Variants in STK32B observed in about 807,000 individuals in gnomAD.
STK32B encodes serine/threonine-protein kinase 32B.
STK32B carries 43 observed loss-of-function variants against 52.6 expected under a neutral mutation model. The ratio of observed to expected loss-of-function variants is 0.82; its 90% confidence interval spans 0.64 to 1.05. STK32B has a LOEUF of 1.05. STK32B is among the 50% of genes least tolerant of loss of function. The pLI is 0.00. For missense variants in STK32B, 621 were observed against 534.6 expected (o/e 1.16, Z -1.59); for synonymous variants, 238 against 204.3 (o/e 1.17, Z -1.41).
intron 3 of STK32B, among the ~76,000 whole-genome samples, chr4:5,230,355 A>G (rs928156492): frequency 6.6e-6 from 1 of 151,524 alleles, no homozygotes; most frequent in Non-Finnish European, 1.5e-5. Context: ...ACGCTTGGTT[A>G]GTTTTTGTAT....
intron 2 of STK32B, among the ~76,000 whole-genome samples, chr4:5,141,071 C>G (rs1401536425): frequency 6.6e-6 from 1 of 152,104 alleles, no homozygotes; most frequent in Admixed American, 6.5e-5. Flanking sequence ...AGCCACTAAC[C>G]ACATGTGGAT....
chr4:5,255,085 G>T (rs1186581158), intron 3 of STK32B, among the ~76,000 whole-genome samples: 3 of 151,998 alleles, frequency 2.0e-5, no homozygotes, highest in African/African-American at 7.3e-5. Flanking sequence ...AGGGCAGACT[G>T]ATATTAATCA....
intron 3 of STK32B, among the ~76,000 whole-genome samples, chr4:5,309,354 A>G (rs953627216): frequency 6.7e-6 from 1 of 149,534 alleles, no homozygotes; most frequent in African/African-American, 2.6e-5. Flanking sequence ...CAAAATACCA[A>G]TGACATTCAT....
At chr4:5,454,923 T>A (rs1161722708) in intron 7 of STK32B, among the ~76,000 whole-genome samples, 1 of 152,156 alleles carries the variant, frequency 6.6e-6, no homozygotes, top group Non-Finnish European at 1.5e-5. Flanking sequence ...TTAAAAAAAA[T>A]TGAAGAAAGA....
intron 4 of STK32B, among the ~76,000 whole-genome samples, chr4:5,342,539 C>T (rs1223795770): frequency 5.3e-5 from 8 of 152,036 alleles, no homozygotes; most frequent in South Asian, 4.1e-4. Context: ...AAGCAGGTCT[C>T]GTGATAATTT....
chr4:5,460,229 G>A lies in STK32B; in HGVS notation c.909+1G>A, dbSNP rs1716929746. On this transcript the variant is annotated splice_donor_variant, in intron 9 of 11. Coordinates refer to ENST00000282908, the MANE Select transcript of STK32B (RefSeq NM_018401.3). LOFTEE classifies it high-confidence loss of function. The surrounding 1 kb of genome is among the most constrained non-coding windows in gnomAD (Gnocchi z 4.8). ...ACTGATGCCCGGCTTTGTGCCCAAT[G>A]TGAGTGGAAGTCCCACCTGATGTCA... The A allele has an allele frequency of 1.2e-6, 2 of 1,609,338 alleles. No individual in the cohort carries two copies. The highest frequency in any genetic ancestry group is 2.2e-5 in the South Asian group (2 of 90,186).
chr4:5,332,298 G>A (rs745465593), intron 4 of STK32B, among the ~76,000 whole-genome samples: 9 of 152,146 alleles, frequency 5.9e-5, no homozygotes, highest in Non-Finnish European at 1.3e-4. Context: ...GAAAGATGTA[G>A]AGTGATCGAT....
intron 1 of STK32B, among the ~76,000 whole-genome samples, chr4:5,072,128 T>C (rs958773809): frequency 1.3e-5 from 2 of 152,180 alleles, no homozygotes; most frequent in African/African-American, 4.8e-5. Flanking sequence ...GGTTTTCAAA[T>C]AGGGTGTTAG....
chr4:5,070,502 T>G (rs897732768), intron 1 of STK32B, among the ~76,000 whole-genome samples: 1 of 152,120 alleles, frequency 6.6e-6, no homozygotes, highest in African/African-American at 2.4e-5. Flanking sequence ...TGCCTAATGC[T>G]TAGGTTGAAT....
At chr4:5,278,193 C>T (rs1261445039) in intron 3 of STK32B, among the ~76,000 whole-genome samples, 1 of 152,110 alleles carries the variant, frequency 6.6e-6, no homozygotes, top group Non-Finnish European at 1.5e-5. Context: ...AGTAAAATTG[C>T]TGAGGAATGG....
At chr4:5,335,162 A>G (rs1301005581) in intron 4 of STK32B, among the ~76,000 whole-genome samples, 3 of 152,124 alleles carry the variant, frequency 2.0e-5, no homozygotes, top group Non-Finnish European at 4.4e-5. Context: ...AGATCCTGTT[A>G]TTGATCTATT....
intron 1 of STK32B, 83 bp from the exon 2 acceptor site, chr4:5,139,822 G>C (rs946583840): frequency 2.6e-6 from 4 of 1,512,512 alleles, no homozygotes; most frequent in African/African-American, 1.4e-5. Flanking sequence ...GAATAGGTGG[G>C]TAGGTACATA....
At chr4:5,389,366 G>C (rs986718162) in intron 4 of STK32B, among the ~76,000 whole-genome samples, 1 of 152,172 alleles carries the variant, frequency 6.6e-6, no homozygotes, top group Non-Finnish European at 1.5e-5. Flanking sequence ...TCATCTTACG[G>C]TTCTGAAAGC....
At chr4:5,259,122 C>G (rs775446197) in intron 3 of STK32B, among the ~76,000 whole-genome samples, 10 of 152,314 alleles carry the variant, frequency 6.6e-5, no homozygotes, top group Middle Eastern at 3.4e-3. Context: ...CCCTGGCAAC[C>G]TCATCTAAAA....
chr4:5,317,238 T>TATATAATATATAACATATAAC (rs1731077077), intron 3 of STK32B, among the ~76,000 whole-genome samples: 3 of 57,996 alleles, frequency 5.2e-5, no homozygotes, highest in East Asian at 5.8e-4. Flanking sequence ...ATATAACATA[T>TATATAATATATAACATATAAC]ATATATTATA....
At chr4:5,140,621 C>G (rs544092413) in intron 2 of STK32B, among the ~76,000 whole-genome samples, 2 of 152,090 alleles carry the variant, frequency 1.3e-5, no homozygotes, top group Admixed American at 6.5e-5. Context: ...CGGGAAGTGT[C>G]AAAACTGGGA....
At chr4:5,401,191 C>G (rs1247855694) in intron 5 of STK32B, among the ~76,000 whole-genome samples, 1 of 152,172 alleles carries the variant, frequency 6.6e-6, no homozygotes, top group Admixed American at 6.5e-5. Flanking sequence ...GAAACATGAC[C>G]TAGCCATAAG....
intron 6 of STK32B, among the ~76,000 whole-genome samples, chr4:5,446,014 C>T (rs1291029665): frequency 5.3e-5 from 8 of 152,168 alleles, no homozygotes; most frequent in Non-Finnish European, 2.9e-5. Context: ...TGTTCCTCTT[C>T]CTCACTCTGG....
chr4:5,377,136 A>G (rs1052864233), intron 4 of STK32B, among the ~76,000 whole-genome samples: 1 of 152,180 alleles, frequency 6.6e-6, no homozygotes, highest in Non-Finnish European at 1.5e-5. Context: ...TCTTGATTCT[A>G]GAGGGAGTCA....
Sources: allele counts gnomAD v4.1 joint callset (sites outside exome capture counted in the v4.1 genomes callset), GRCh38; gene constraint gnomAD v4.1.1; non-coding constraint Gnocchi (gnomAD v3.1); transcripts MANE v1.5; gene names NCBI Gene and HGNC (gene_info 2026-07-23, HGNC 2026-07-21).